NDST4: variants seen among roughly 807,000 people sequenced by gnomAD.
NDST4 encodes N-heparan sulfate sulfotransferase 4.
A neutral mutation model predicts 100.8 loss-of-function variants in NDST4; 63 were observed. The observed-to-expected ratio is 0.62, with a 90% CI of 0.51 to 0.77. The LOEUF (loss-of-function observed/expected upper bound fraction) is 0.77, where lower values mean the gene tolerates loss of function less well. Among genes scored for constraint, NDST4 ranks in the 30% least tolerant of loss-of-function variants. The pLI, the probability that NDST4 is intolerant of heterozygous loss-of-function variation, is 0.00. For missense variants in NDST4, 943 were observed against 1,018.4 expected, an observed-to-expected ratio of 0.93 and a Z score of 1.01; for synonymous variants, 377 against 361.8, an observed-to-expected ratio of 1.04 and a Z score of -0.48.
chr4:115,033,086 C>A (rs528846886), intron 2 of NDST4, among the ~76,000 whole-genome samples: 47 of 147,184 alleles, frequency 3.2e-4, no homozygotes, highest in Non-Finnish European at 5.2e-4. Flanking sequence ...TTTTGATAAT[C>A]TGTCAATTAA....
chr4:115,063,636 T>C (rs1728870204), intron 2 of NDST4, among the ~76,000 whole-genome samples: 1 of 151,640 alleles, frequency 6.6e-6, no homozygotes, highest in Non-Finnish European at 1.5e-5. Context: ...CTCATTATAA[T>C]CTGAGCCAAT....
chr4:114,944,111 A>G (rs1725810136), intron 4 of NDST4, among the ~76,000 whole-genome samples: 1 of 152,162 alleles, frequency 6.6e-6, no homozygotes, highest in Admixed American at 6.5e-5. Context: ...TGGCCTGTCC[A>G]TTACCACTGC....
chr4:114,870,879 C>T lies in NDST4; in HGVS notation c.1608G>A (p.Leu536=), dbSNP rs755379488. Residue 536 remains leucine (L), a synonymous_variant, in exon 7 of 14, where the codon TTG becomes TTA. Transcript: ENST00000264363. Reference sequence around the variant, plus strand: ...TGGTCCAGCTCTGCACAAAGTTGACCAAGTTCACAAAGGTATATAACCCTA... The same window carrying T: ...TGGTCCAGCTCTGCACAAAGTTGACTAAGTTCACAAAGGTATATAACCCTA... ...DRLGLYTFVN[L]VNFVQSWTNL... 5 of 1,613,080 alleles carry T rather than the reference C, an allele frequency of 3.1e-6. No homozygotes were observed. The highest frequency in any genetic ancestry group is 4.2e-6 in the Non-Finnish European group (5 of 1,179,408).
At chr4:114,897,320 T>A (rs893334898) in intron 6 of NDST4, among the ~76,000 whole-genome samples, 30 of 152,322 alleles carry the variant, frequency 2.0e-4, no homozygotes, top group Admixed American at 3.3e-4. Context: ...TGTCATATAG[T>A]TGAAAATCAT....
chr4:114,886,378 T>C (rs1301665889), intron 6 of NDST4, among the ~76,000 whole-genome samples: 2 of 152,146 alleles, frequency 1.3e-5, no homozygotes, highest in Non-Finnish European at 2.9e-5. Context: ...CTTCAAAGTA[T>C]AGAGGTAATC....
At chr4:114,887,396 A>T (rs1724502434) in intron 6 of NDST4, among the ~76,000 whole-genome samples, 1 of 152,224 alleles carries the variant, frequency 6.6e-6, no homozygotes, top group African/African-American at 2.4e-5. Flanking sequence ...GCAAGTGAAG[A>T]TTATAATGCT....
chr4:115,111,903 G>A (rs6849060), intron 1 of NDST4, among the ~76,000 whole-genome samples: 75,700 of 151,426 alleles, frequency 0.5, 19,567 homozygotes, highest in Non-Finnish European at 0.58. Flanking sequence ...ATTGTCATAC[G>A]ATTTCTTATT....
intron 4 of NDST4, among the ~76,000 whole-genome samples, chr4:114,952,409 C>A (rs1726036555): frequency 6.6e-6 from 1 of 152,028 alleles, no homozygotes; most frequent in African/African-American, 2.4e-5. Flanking sequence ...CTATTGCCAT[C>A]TGCTAGGAAA....
intron 6 of NDST4, among the ~76,000 whole-genome samples, chr4:114,883,671 G>T (rs1245411922): frequency 6.6e-6 from 1 of 152,046 alleles, no homozygotes; most frequent in Non-Finnish European, 1.5e-5. Context: ...GATATTTGTT[G>T]TCTATAACAG....
At chr4:114,892,349 T>G (rs1024961811) in intron 6 of NDST4, among the ~76,000 whole-genome samples, 15 of 152,294 alleles carry the variant, frequency 9.8e-5, no homozygotes, top group Non-Finnish European at 2.2e-4. Flanking sequence ...TTTAACATTT[T>G]GTGCTTTGAT....
At chr4:114,856,902 G>T (rs1723809210) in intron 7 of NDST4, among the ~76,000 whole-genome samples, 1 of 152,226 alleles carries the variant, frequency 6.6e-6, no homozygotes, top group Non-Finnish European at 1.5e-5. Flanking sequence ...ATAGCAAAGT[G>T]TAAGTTGTAC....
At chr4:115,027,213 A>G (rs1360525574) in intron 2 of NDST4, among the ~76,000 whole-genome samples, 3 of 152,128 alleles carry the variant, frequency 2.0e-5, no homozygotes, top group African/African-American at 7.2e-5. Flanking sequence ...ACAGGTGGGC[A>G]ACACCACGCA....
chr4:114,933,432 C>T (rs1359151709), intron 6 of NDST4, among the ~76,000 whole-genome samples: 7 of 89,244 alleles, frequency 7.8e-5, no homozygotes, highest in African/African-American at 1.8e-4. Flanking sequence ...TTTTCTTTTC[C>T]TTTTTTTTTT....
At chr4:114,878,013 A>G (rs1037409450) in intron 6 of NDST4, among the ~76,000 whole-genome samples, 3 of 152,142 alleles carry the variant, frequency 2.0e-5, no homozygotes, top group African/African-American at 7.2e-5. Context: ...AAGGAAGAAG[A>G]GAAAAGAAAG....
chr4:115,078,517 C>G (rs1481386155), intron 1 of NDST4, among the ~76,000 whole-genome samples: 1 of 152,106 alleles, frequency 6.6e-6, no homozygotes, highest in East Asian at 1.9e-4. Flanking sequence ...CATTGTGCCC[C>G]TGCCCTGTGG....
chr4:114,845,190 G>A (rs1209777142), intron 10 of NDST4, among the ~76,000 whole-genome samples: 1 of 152,066 alleles, frequency 6.6e-6, no homozygotes, highest in Non-Finnish European at 1.5e-5. Flanking sequence ...CAAATAGGCG[G>A]GTGTGGTGGT....
At chr4:114,964,995 C>T (rs1726349323) in intron 4 of NDST4, among the ~76,000 whole-genome samples, 1 of 152,046 alleles carries the variant, frequency 6.6e-6, no homozygotes, top group Admixed American at 6.6e-5. Context: ...ATCTTTCCTG[C>T]ACATGTGGAT....
chr4:115,035,023 A>C (rs1379709345), intron 2 of NDST4, among the ~76,000 whole-genome samples: 1 of 152,080 alleles, frequency 6.6e-6, no homozygotes, highest in African/African-American at 2.4e-5. Flanking sequence ...AATTTCTTGC[A>C]TGTCTAATAC....
rs1484168488 is a variant in NDST4 at position 115,008,033 on chromosome 4, G to T, written c.979-30759C>A. 6.2e-5 allele frequency among the ~76,000 whole-genome samples: 8 copies of T among 129,626 alleles called. 1 individual carries two copies. In the East Asian group the frequency reaches 9.9e-4, roughly 16 times the overall value. 85.0% of individuals were successfully genotyped at this position (129,626 alleles called of 152,430 possible). A position where few individuals can be genotyped will look rare whatever the true frequency, so the allele number is the denominator to read the frequency against. On this transcript the variant is annotated intron_variant, in intron 2 of 13. Transcript: ENST00000264363. ...CCTTTTCAACTAAATTAGAAACCCT[G>T]GGAATGACCTACAGGCCAGTGAGTT...
Sources: allele counts gnomAD v4.1 joint callset (sites outside exome capture counted in the v4.1 genomes callset), GRCh38; gene constraint gnomAD v4.1.1; transcripts MANE v1.5; gene names NCBI Gene and HGNC (gene_info 2026-07-23, HGNC 2026-07-21).